The following WTAP variants were observed in gnomAD, a reference collection of about 807,000 sequenced individuals.
WTAP encodes WT1 associated protein, also known as pre-mRNA-splicing regulator WTAP.
A neutral mutation model predicts 50.0 loss-of-function variants in WTAP; 8 were observed. The observed-to-expected ratio is 0.16, with a 90% CI of 0.09 to 0.29. The LOEUF is 0.29. WTAP is among the 10% of genes least tolerant of loss of function. WTAP has a pLI of 1.00. For synonymous variants in WTAP, 194 were observed against 169.0 expected, an observed-to-expected ratio of 1.15 and a Z score of -1.15; for missense variants, 295 against 470.7, an observed-to-expected ratio of 0.63 and a Z score of 3.45.
chr6:159,728,030 GT>G, intron 1 of WTAP, among the ~76,000 whole-genome samples: 1 of 152,362 alleles, frequency 6.6e-6, no homozygotes, highest in East Asian at 1.9e-4. Context: ...TCGCCTCGGG[GT>G]CGCCCCCTTC....
chr6:159,736,025 G>A (rs73601308), intron 1 of WTAP, among the ~76,000 whole-genome samples: 12,629 of 152,102 alleles, frequency 0.083, 1,161 homozygotes, highest in African/African-American at 0.22. Context: ...TAACTCTAAT[G>A]ATGGAAGATG....
Position 159,753,511 on chromosome 6 carries a change from T to C in WTAP, c.504T>C (p.Asn168=). Reference sequence around the variant, plus strand: ...AGTGTCGAATGCTTATCCAGGAGAATCAAGAGCTTGGAAGGCAGCTGTCCC... The same window carrying C: ...AGTGTCGAATGCTTATCCAGGAGAACCAAGAGCTTGGAAGGCAGCTGTCCC... ...MAKCRMLIQE[N]QELGRQLSQG... Residue 168 remains asparagine (N), a synonymous_variant, in exon 7 of 8, where the codon AAT becomes AAC. Transcript: ENST00000621533. The C allele has an allele frequency of 6.2e-7, 1 of 1,614,160 alleles. No homozygotes were observed.
At chr6:159,734,222 C>T (rs759330401) in intron 1 of WTAP, among the ~76,000 whole-genome samples, 34 of 151,958 alleles carry the variant, frequency 2.2e-4, no homozygotes, top group Non-Finnish European at 2.8e-4. Context: ...CCACATTGCC[C>T]GGGCTCGGTT....
At chr6:159,750,377 TTC>T (rs1779774447) in intron 6 of WTAP, among the ~76,000 whole-genome samples, 1 of 152,192 alleles carries the variant, frequency 6.6e-6, no homozygotes, top group African/African-American at 2.4e-5. Flanking sequence ...TGTTAAAATT[TTC>T]TCTTTTAATA....
At chr6:159,754,640 TAGATTAAC>T (rs1356465468) in intron 7 of WTAP, among the ~76,000 whole-genome samples, 1 of 152,240 alleles carries the variant, frequency 6.6e-6, no homozygotes, top group African/African-American at 2.4e-5. Context: ...GAGCCATCTC[TAGATTAAC>T]AGTACCTAAT....
chr6:159,727,838 T>C (rs904566165), intron 1 of WTAP, 135 bp downstream of exon 1: 2 of 601,566 alleles, frequency 3.3e-6, no homozygotes, highest in Non-Finnish European at 4.2e-6. Flanking sequence ...CACCGGTCTC[T>C]CGTGAGCCGC....
chr6:159,741,604 C>T (rs185360661), intron 3 of WTAP: 1 of 153,380 alleles, frequency 6.5e-6, no homozygotes, highest in East Asian at 1.9e-4. Flanking sequence ...TTGGCATGTT[C>T]TCAGCAGAAA....
At chr6:159,727,489 C>T (rs990387028), upstream of WTAP, 2 of 991,198 alleles carry the variant, frequency 2.0e-6, no homozygotes, top group Non-Finnish European at 2.4e-6. Context: ...CGGGGCCGGG[C>T]GGCGGGGCCT....
chr6:159,731,366 G>T (rs1778560120), intron 1 of WTAP, among the ~76,000 whole-genome samples: 1 of 151,964 alleles, frequency 6.6e-6, no homozygotes, highest in Non-Finnish European at 1.5e-5. Context: ...TACAAAGGAG[G>T]CTGAGGCAAG....
chr6:159,752,777 A>G (rs1480966004), intron 6 of WTAP, among the ~76,000 whole-genome samples: 1 of 152,150 alleles, frequency 6.6e-6, no homozygotes, highest in Non-Finnish European at 1.5e-5. Flanking sequence ...TTTTTGAGAC[A>G]GGGTCCCTGT....
At chr6:159,734,581 T>C (rs1778791409) in intron 1 of WTAP, among the ~76,000 whole-genome samples, 1 of 152,122 alleles carries the variant, frequency 6.6e-6, no homozygotes, top group Admixed American at 6.6e-5. Context: ...GAGGCTGAGA[T>C]GAGAGTATGA....
chr6:159,733,926 A>AG (rs1778748171), intron 1 of WTAP, among the ~76,000 whole-genome samples: 1 of 152,214 alleles, frequency 6.6e-6, no homozygotes, highest in South Asian at 2.1e-4. Flanking sequence ...CCAAAAAAAA[A>AG]GATTAAACAG....
chr6:159,727,398 C>T, upstream of WTAP: 1 of 1,079,802 alleles, frequency 9.3e-7, no homozygotes, highest in Non-Finnish European at 1.2e-6. Context: ...AGGCGGGAGG[C>T]GGGAGGCAGT....
At chr6:159,742,018 T>A (rs1327555082) in intron 3 of WTAP, 70 bp from the exon 4 acceptor site, 1 of 1,121,540 alleles carries the variant, frequency 8.9e-7, no homozygotes, top group African/African-American at 1.6e-5. Flanking sequence ...TGTGAGTTTA[T>A]AGATATCTTC....
At position 159,727,679 on chromosome 6, in the gene WTAP, G is replaced by T; in HGVS notation, c.-33G>T. 1.0e-6 allele frequency: 1 copy of T among 984,744 alleles called. No individual in the cohort carries two copies. The highest frequency in any genetic ancestry group is 1.2e-6 in the Non-Finnish European group (1 of 829,920). 61.0% of individuals were successfully genotyped at this position (984,744 alleles called of 1,614,324 possible). A position where few individuals can be genotyped will look rare whatever the true frequency, so the allele number is the denominator to read the frequency against. On this transcript the variant is annotated 5_prime_UTR_variant, in exon 1 of 8. Transcript: ENST00000621533. ...GGCCTCGGCCTATGCGACCGGTGGC[G>T]CCGGCGCGGCTTCTGCCTGGAGAGG...
chr6:159,734,394 T>C (rs1230483811), intron 1 of WTAP, among the ~76,000 whole-genome samples: 1 of 149,252 alleles, frequency 6.7e-6, no homozygotes, highest in Non-Finnish European at 1.5e-5. Flanking sequence ...AAAAAAAAAT[T>C]CAGTTTAACA....
rs576684977 is a variant in WTAP at position 159,731,576 on chromosome 6, G to A, written c.-9+3873G>A. On this transcript the variant is annotated intron_variant, in intron 1 of 7. Transcript: ENST00000621533. ...AGTGTTAGAAACAGTCGGGAGGACA[G>A]TATGATTATTATCCTCAACCTGTGG... Among the ~76,000 whole-genome samples the A allele has an allele frequency of 2.8e-3, 430 of 152,364 alleles. 2 individuals are homozygous for A. Among genetic ancestry groups the A allele is most frequent in the African/African-American group, 9.8e-3 (409 of 41,596 alleles).
chr6:159,744,425 C>G (rs1173133588), intron 5 of WTAP, among the ~76,000 whole-genome samples: 2 of 152,138 alleles, frequency 1.3e-5, no homozygotes, highest in East Asian at 3.9e-4. Context: ...TTTGTGTACT[C>G]TCCCTTCATT....
Position 159,748,161 on chromosome 6 carries a change from G to C in WTAP, c.274-30G>C, listed in dbSNP as rs988966522. 2.3e-5 allele frequency: 37 copies of C among 1,597,668 alleles called. No individual in the cohort carries two copies. Among genetic ancestry groups the C allele is most frequent in the Non-Finnish European group, 3.1e-5 (36 of 1,169,496 alleles). On this transcript the variant is annotated intron_variant, in intron 5 of 7. Transcript: ENST00000621533. The surrounding 1 kb of genome is among the most constrained non-coding windows in gnomAD (Gnocchi z 5.6). The stretch of plus-strand genomic sequence containing the variant: ...TTCTTATGTATGTTTCCTTTGATTT[G>C]GTCGTAATTGTTTCTTTTGCTTTGC...
Sources: gnomAD v4.1 joint callset for allele counts (sites outside exome capture counted in the v4.1 genomes callset) on GRCh38, gnomAD v4.1.1 for gene constraint, Gnocchi (gnomAD v3.1) non-coding constraint, MANE v1.5 for transcripts, NCBI Gene and HGNC (gene_info 2026-07-23, HGNC 2026-07-21) for gene names.